CACNA1A: variants seen among roughly 807,000 people sequenced by gnomAD.
CACNA1A encodes voltage-dependent P/Q-type calcium channel subunit alpha-1A.
Under a neutral mutation model 262.4 loss-of-function variants are expected in CACNA1A, and 57 were observed. The ratio of observed to expected loss-of-function variants is 0.22; its 90% CI spans 0.18 to 0.27. The LOEUF is 0.27. Among genes scored for constraint, CACNA1A ranks in the 10% least tolerant of loss-of-function variants. CACNA1A has a pLI of 1.00. For missense variants in CACNA1A, 2,526 were observed against 3,562.8 expected (o/e 0.71, Z 7.41); for synonymous variants, 1,431 against 1,419.3 (o/e 1.01, Z -0.18).
rs373224251 is a variant in CACNA1A, at chr19:13,286,509, C to T, written c.3547G>A (p.Val1183Ile). Residue 1183 changes from valine (V) to isoleucine (I), a missense_variant, in exon 20 of 47, where the codon GTA becomes ATA. By Grantham distance (29) the Val-to-Ile change is conservative (BLOSUM62 3). Around this residue, in one of 17 missense-constraint regions of CACNA1A, gnomAD observed 765 missense variants for 748.6 expected, o/e 1.02. Transcript: ENST00000360228. The part of the protein sequence containing the change: ...ACPPPLNHTV[V>I]QVNKNANPDP... Reference sequence around the variant, plus strand: ...TGAGAGCAGAGGGTCTCACCTTGTACGACGGTGTGGTTGAGGGGGGGTGGG... The same window carrying T: ...TGAGAGCAGAGGGTCTCACCTTGTATGACGGTGTGGTTGAGGGGGGGTGGG... 65 of 1,429,714 alleles carry T rather than the reference C, an allele frequency of 4.5e-5. 1 individual carries two copies. Among genetic ancestry groups the T allele is most frequent in the Middle Eastern group, 3.7e-4 (2 of 5,426 alleles). 88.6% of individuals were successfully genotyped at this position (1,429,714 alleles called of 1,614,324 possible).
intron 3 of CACNA1A, among the ~76,000 whole-genome samples, chr19:13,399,901 A>T (rs917137513): frequency 3.3e-5 from 5 of 152,182 alleles, no homozygotes; most frequent in Admixed American, 6.5e-5. Flanking sequence ...GAAGCTACGT[A>T]ACTCAAAACA....
At chr19:13,248,891 C>T (rs184478789) in intron 30 of CACNA1A, among the ~76,000 whole-genome samples, 4 of 152,158 alleles carry the variant, frequency 2.6e-5, no homozygotes, top group Non-Finnish European at 4.4e-5. Flanking sequence ...TTCCCTCCCA[C>T]CTCACCAAAC....
At chr19:13,232,169 C>A (rs1030379544) in intron 34 of CACNA1A, among the ~76,000 whole-genome samples, 1 of 151,644 alleles carries the variant, frequency 6.6e-6, no homozygotes, top group African/African-American at 2.4e-5. Context: ...TTCCTTCTCT[C>A]TCTCTTTCTT....
intron 1 of CACNA1A, among the ~76,000 whole-genome samples, chr19:13,484,389 GCA>G (rs924310766): frequency 2.6e-5 from 4 of 152,102 alleles, no homozygotes; most frequent in African/African-American, 9.7e-5. Context: ...ATCCTCCAGA[GCA>G]CATACCCTTG....
At chr19:13,256,321 G>A in intron 28 of CACNA1A, 1 of 152,024 alleles carries the variant, frequency 6.6e-6, no homozygotes, top group East Asian at 1.9e-4. Context: ...TGAATACTTT[G>A]CTGCGTCTTC....
chr19:13,285,037 C>T lies in CACNA1A; in HGVS notation c.3692+31G>A, dbSNP rs111602970. On this transcript the variant is annotated intron_variant, in intron 21 of 46. Coordinates refer to ENST00000360228, the MANE Select transcript of CACNA1A (RefSeq NM_001127222.2). ...CGCCACCCTGGTGGGAGCCCCAGGCCCCCCCTGCCCTTGCTGGGGGCCATA... is the reference window on the plus strand; with the variant it reads ...CGCCACCCTGGTGGGAGCCCCAGGCTCCCCCTGCCCTTGCTGGGGGCCATA... 1.3e-5 allele frequency: 21 copies of T among 1,612,068 alleles called. No individual in the cohort carries two copies. The Middle Eastern group carries it at 4.9e-4, about 38-fold the overall frequency.
chr19:13,477,242 A>G (rs950046152), intron 1 of CACNA1A, among the ~76,000 whole-genome samples: 2 of 152,186 alleles, frequency 1.3e-5, no homozygotes, highest in Non-Finnish European at 2.9e-5. Flanking sequence ...ATAAAGCTCT[A>G]TCTAATACAG....
At chr19:13,229,036 T>C in intron 36 of CACNA1A, 1 of 269,676 alleles carries the variant, frequency 3.7e-6, no homozygotes, top group Non-Finnish European at 7.0e-6. Flanking sequence ...ATCTGCCTCC[T>C]CCACAGTCTA....
At chr19:13,420,767 A>C (rs1465937584) in intron 3 of CACNA1A, among the ~76,000 whole-genome samples, 1 of 152,198 alleles carries the variant, frequency 6.6e-6, no homozygotes, top group African/African-American at 2.4e-5. Context: ...GAGAAAGATG[A>C]GGTGACATGC....
chr19:13,395,787 G>A (rs1037678418), intron 3 of CACNA1A, among the ~76,000 whole-genome samples: 2 of 150,984 alleles, frequency 1.3e-5, no homozygotes, highest in African/African-American at 4.9e-5. Flanking sequence ...CCCCATACCC[G>A]GAAGGAATGC....
chr19:13,344,363 C>A (rs2058725549), intron 6 of CACNA1A, among the ~76,000 whole-genome samples: 1 of 152,176 alleles, frequency 6.6e-6, no homozygotes, highest in African/African-American at 2.4e-5. Context: ...TATTTCCATT[C>A]TCTGAACCTA....
rs1177153491 is a variant in CACNA1A at position 13,365,720 on chromosome 19, T to G, written c.632-251A>C. The stretch of plus-strand genomic sequence containing the variant: ...TTTTGCACTGCTGCCCAGGCTGGAG[T>G]GCAGTGGCACAATCACAGCTCACTG... On this transcript the variant is annotated intron_variant, in intron 4 of 46. Coordinates refer to ENST00000360228, the MANE Select transcript of CACNA1A (RefSeq NM_001127222.2). The G allele has an allele frequency of 5.9e-5, 22 of 371,218 alleles. No homozygotes were observed. The East Asian group carries it at 9.7e-4, about 16-fold the overall frequency. 23.0% of individuals were successfully genotyped at this position (371,218 alleles called of 1,614,324 possible).
At position 13,214,340 on chromosome 19, in the gene CACNA1A, G is replaced by GCA. The variant is rs772598066; in HGVS notation, c.5840-9_5840-8dup. The GCA allele has an allele frequency of 5.1e-5, 83 of 1,611,802 alleles. No individual in the cohort carries two copies. In the South Asian group the frequency reaches 8.0e-4, roughly 16 times the overall value. On this transcript the variant is annotated splice_region_variant and splice_polypyrimidine_tract_variant and intron_variant, in intron 39 of 46. Coordinates refer to ENST00000360228, the MANE Select transcript of CACNA1A (RefSeq NM_001127222.2). The surrounding 1 kb of genome is among the most constrained non-coding windows in gnomAD (Gnocchi z 4.1). ...CCCACGGTGAGGTCCGTGGCTGGGG[G>GCA]CACACACACGGTGAGCTCACCAAGG...
chr19:13,364,163 T>C (rs112605945), intron 5 of CACNA1A: 4,894 of 152,322 alleles, frequency 0.032, 122 homozygotes, highest in Non-Finnish European at 0.052. Context: ...TGCTGCTGAG[T>C]GCTAGGTTCT....
intron 2 of CACNA1A, among the ~76,000 whole-genome samples, chr19:13,453,864 T>C (rs935515136): frequency 2.0e-5 from 3 of 152,172 alleles, no homozygotes; most frequent in African/African-American, 7.2e-5. Flanking sequence ...TACCAGTCTT[T>C]CAATGGACGC....
At chr19:13,432,332 T>C (rs1159631752) in intron 3 of CACNA1A, among the ~76,000 whole-genome samples, 1 of 151,336 alleles carries the variant, frequency 6.6e-6, no homozygotes, top group African/African-American at 2.4e-5. Flanking sequence ...GGAGAATCGC[T>C]TGAACCCAGG....
intron 38 of CACNA1A, among the ~76,000 whole-genome samples, chr19:13,216,006 G>C (rs1051344509): frequency 6.6e-6 from 1 of 151,706 alleles, no homozygotes; most frequent in Non-Finnish European, 1.5e-5. Context: ...CTGCAGTCTC[G>C]ACCTCCTGGG....
At chr19:13,406,473 AT>A (rs2060008449) in intron 3 of CACNA1A, among the ~76,000 whole-genome samples, 1 of 69,286 alleles carries the variant, frequency 1.4e-5, no homozygotes, top group Non-Finnish European at 2.7e-5. Context: ...AATTATATAT[AT>A]ATATATATAT....
chr19:13,412,377 G>C (rs1361431363), intron 3 of CACNA1A, among the ~76,000 whole-genome samples: 4 of 151,922 alleles, frequency 2.6e-5, no homozygotes, highest in African/African-American at 7.3e-5. Flanking sequence ...CCTTAGCATT[G>C]ACAAGCATAT....
Sources: gnomAD v4.1 joint callset for allele counts (sites outside exome capture counted in the v4.1 genomes callset) on GRCh38, gnomAD v4.1.1 for gene constraint, gnomAD v4.1.1 regional missense constraint, Gnocchi (gnomAD v3.1) non-coding constraint, MANE v1.5 for transcripts, NCBI Gene and HGNC (gene_info 2026-07-23, HGNC 2026-07-21) for gene names.